Variants in ROR1 observed in about 807,000 individuals in gnomAD.
ROR1 encodes inactive tyrosine-protein kinase transmembrane receptor ROR1.
A neutral mutation model predicts 78.8 loss-of-function variants in ROR1; 19 were observed. The ratio of observed to expected loss-of-function variants is 0.24; its 90% CI spans 0.17 to 0.35. ROR1 has a LOEUF of 0.35. Ranked by LOEUF, ROR1 falls within the 10% of genes least tolerant of loss-of-function variation. The pLI, the probability that ROR1 is intolerant of heterozygous loss-of-function variation, is 1.00. For missense variants in ROR1, 917 were observed against 1,177.8 expected, an observed-to-expected ratio of 0.78 and a Z score of 3.24; for synonymous variants, 386 against 433.6, an observed-to-expected ratio of 0.89 and a Z score of 1.36.
chr1:64,034,887 C>T (rs1014724683), intron 2 of ROR1, among the ~76,000 whole-genome samples: 5 of 152,056 alleles, frequency 3.3e-5, no homozygotes, highest in African/African-American at 1.2e-4. Flanking sequence ...AACTGCTTTT[C>T]CTTTATTCAG....
intron 1 of ROR1, among the ~76,000 whole-genome samples, chr1:63,966,075 G>A (rs1164314481): frequency 6.6e-6 from 1 of 152,150 alleles, no homozygotes; most frequent in Admixed American, 6.5e-5. Context: ...CTGACACAGG[G>A]CAAATGCTGA....
chr1:63,888,413 G>A (rs1417832304), intron 1 of ROR1, among the ~76,000 whole-genome samples: 2 of 152,032 alleles, frequency 1.3e-5, no homozygotes, highest in African/African-American at 4.8e-5. Context: ...CCAGGAGTTT[G>A]AGACCAGCCT....
chr1:63,981,016 G>A (rs988168535), intron 1 of ROR1, among the ~76,000 whole-genome samples: 3 of 151,520 alleles, frequency 2.0e-5, no homozygotes, highest in Non-Finnish European at 4.4e-5. Context: ...ATTACTGGAA[G>A]AAAAAATATA....
chr1:63,778,493 C>T (rs754683392), intron 1 of ROR1, among the ~76,000 whole-genome samples: 10 of 152,196 alleles, frequency 6.6e-5, no homozygotes, highest in Non-Finnish European at 1.0e-4. Flanking sequence ...GGAGGCCCCA[C>T]TTCTCACCTC....
At chr1:63,854,460 A>T (rs1479906409) in intron 1 of ROR1, among the ~76,000 whole-genome samples, 1 of 152,220 alleles carries the variant, frequency 6.6e-6, no homozygotes, top group African/African-American at 2.4e-5. Flanking sequence ...CCAAGTCTGG[A>T]AACAGGGCAG....
intron 1 of ROR1, among the ~76,000 whole-genome samples, chr1:63,935,160 C>T (rs1168284542): frequency 6.6e-6 from 1 of 151,802 alleles, no homozygotes; most frequent in African/African-American, 2.4e-5. Context: ...GCCAACACCA[C>T]CACCAAAGAA....
intron 4 of ROR1, among the ~76,000 whole-genome samples, chr1:64,056,676 C>CAA (rs373734444): frequency 5.6e-4 from 71 of 127,294 alleles, no homozygotes; most frequent in East Asian, 9.3e-4. Context: ...ACTCTATCTC[C>CAA]AAAAAAAAAA....
At chr1:64,012,329 G>A (rs1321639501) in intron 2 of ROR1, among the ~76,000 whole-genome samples, 2 of 152,250 alleles carry the variant, frequency 1.3e-5, no homozygotes, top group East Asian at 3.9e-4. Context: ...AAGCACCTTG[G>A]GCCATTGGGA....
chr1:64,040,774 T>C (rs903152307), intron 2 of ROR1, among the ~76,000 whole-genome samples: 2 of 152,140 alleles, frequency 1.3e-5, no homozygotes, highest in African/African-American at 4.8e-5. Flanking sequence ...CATGACCTAA[T>C]CACTTCCCAA....
At chr1:63,922,577 T>G (rs2100431488) in intron 1 of ROR1, among the ~76,000 whole-genome samples, 1 of 152,310 alleles carries the variant, frequency 6.6e-6, no homozygotes, top group Admixed American at 6.5e-5. Context: ...TTTGAATTCT[T>G]AATTTGCAGA....
Position 64,022,917 on chromosome 1 carries a change from T to G in ROR1, c.163+13541T>G, listed in dbSNP as rs190845380. On this transcript the variant is annotated intron_variant, in intron 2 of 8. Coordinates refer to ENST00000371079, the MANE Select transcript of ROR1 (RefSeq NM_005012.4). ...CTGTTTTTTGTTTGTGGGGGTTTTG[T>G]TTTTGTTTTTACTTTATAATAACAT... Among the ~76,000 whole-genome samples, 21 of 152,252 alleles carry G rather than the reference T, an allele frequency of 1.4e-4. 1 individual carries two copies. The East Asian group carries it at 2.9e-3, about 21-fold the overall frequency.
chr1:64,123,640 A>G (rs576743454), intron 4 of ROR1, among the ~76,000 whole-genome samples: 5 of 152,082 alleles, frequency 3.3e-5, no homozygotes, highest in Non-Finnish European at 7.4e-5. Context: ...AAAGGTGAAC[A>G]TATGAAAAAG....
chr1:63,907,049 GA>G (rs1378631478), intron 1 of ROR1, among the ~76,000 whole-genome samples: 1 of 152,206 alleles, frequency 6.6e-6, no homozygotes, highest in Non-Finnish European at 1.5e-5. Flanking sequence ...GGATTTGGGA[GA>G]AGAGAAGGTA....
Position 64,177,536 on chromosome 1 carries a change from C to G in ROR1, c.1495C>G (p.His499Asp). Residue 499 changes from histidine (H) to aspartate (D), a missense_variant, in exon 9 of 9, where the codon CAT becomes GAT. By Grantham distance (81) the His-to-Asp change is moderately conservative. Transcript: ENST00000371079. ...CCATCTCTATCTCCCAGGCATGGAC[C>G]ATGCTCAGCTGGTTGCTATCAAGAC... The part of the protein sequence containing the change: ...KGHLYLPGMD[H>D]AQLVAIKTLK... 6.2e-7 allele frequency: 1 copy of G among 1,614,140 alleles called. No individual in the cohort carries two copies. Among genetic ancestry groups the G allele is most frequent in the Non-Finnish European group, 8.5e-7 (1 of 1,180,002 alleles).
At chr1:63,853,479 TG>T (rs1645129086) in intron 1 of ROR1, among the ~76,000 whole-genome samples, 1 of 152,196 alleles carries the variant, frequency 6.6e-6, no homozygotes, top group Non-Finnish European at 1.5e-5. Context: ...ATTCAGATTT[TG>T]GATTTTTGGA....
intron 1 of ROR1, among the ~76,000 whole-genome samples, chr1:63,876,922 G>A (rs1323392000): frequency 6.6e-6 from 1 of 151,786 alleles, no homozygotes; most frequent in Non-Finnish European, 1.5e-5. Flanking sequence ...AAAATAAATA[G>A]CTTTGTCTTA....
At chr1:63,849,371 G>A (rs1466100943) in intron 1 of ROR1, among the ~76,000 whole-genome samples, 1 of 152,118 alleles carries the variant, frequency 6.6e-6, no homozygotes, top group Non-Finnish European at 1.5e-5. Context: ...GGGATGCAGA[G>A]GAGTTTGTGA....
intron 2 of ROR1, among the ~76,000 whole-genome samples, chr1:64,016,835 T>C (rs966895360): frequency 1.3e-5 from 2 of 151,258 alleles, no homozygotes; most frequent in Non-Finnish European, 2.9e-5. Flanking sequence ...CTAATATGAT[T>C]AGAGACAAGC....
chr1:64,107,756 A>G (rs1647883941), intron 4 of ROR1, among the ~76,000 whole-genome samples: 1 of 152,068 alleles, frequency 6.6e-6, no homozygotes, highest in African/African-American at 2.4e-5. Context: ...CTATTTATAA[A>G]TAGAATTTTA....
Sources: allele counts gnomAD v4.1 joint callset (sites outside exome capture counted in the v4.1 genomes callset), GRCh38; gene constraint gnomAD v4.1.1; transcripts MANE v1.5; gene names NCBI Gene and HGNC (gene_info 2026-07-23, HGNC 2026-07-21).